Variants in CLOCK observed in about 807,000 individuals in gnomAD.
The protein encoded by CLOCK is circadian locomoter output cycles protein kaput.
In CLOCK, 43 loss-of-function variants were observed where a neutral mutation model predicts 118.4. The ratio of observed to expected loss-of-function variants is 0.36; its 90% CI spans 0.28 to 0.47. The LOEUF (loss-of-function observed/expected upper bound fraction) is 0.47, where lower values mean the gene tolerates loss of function less well. Among genes scored for constraint, CLOCK ranks in the 20% least tolerant of loss-of-function variants. The pLI is 1.00. For missense variants in CLOCK, 846 were observed against 999.9 expected, an observed-to-expected ratio of 0.85 and a Z score of 2.08; for synonymous variants, 326 against 339.2, an observed-to-expected ratio of 0.96 and a Z score of 0.43.
intron 8 of CLOCK, among the ~76,000 whole-genome samples, chr4:55,470,400 T>C (rs76396247): frequency 0.035 from 5,335 of 152,296 alleles, 151 homozygotes; most frequent in South Asian, 0.15. Context: ...ATATATACCA[T>C]ATAGCCTAAG....
intron 21 of CLOCK, among the ~76,000 whole-genome samples, chr4:55,441,927 A>G (rs1723405363): frequency 6.6e-6 from 1 of 152,216 alleles, no homozygotes; most frequent in African/African-American, 2.4e-5. Context: ...CATCACCTTA[A>G]CTAGCTATAG....
At chr4:55,448,190 T>C (rs1309764645) in intron 18 of CLOCK, among the ~76,000 whole-genome samples, 1 of 152,214 alleles carries the variant, frequency 6.6e-6, no homozygotes. Flanking sequence ...CCTCTAGATG[T>C]AATGGTTTTT....
intron 2 of CLOCK, 121 bp downstream of exon 2, chr4:55,509,791 G>A (rs540049783): frequency 6.6e-6 from 1 of 152,308 alleles, no homozygotes; most frequent in South Asian, 2.1e-4. Context: ...AATAAAAGCT[G>A]CCAAGGAAAG....
intron 7 of CLOCK, among the ~76,000 whole-genome samples, chr4:55,475,022 T>C (rs915382357): frequency 1.2e-4 from 19 of 152,284 alleles, no homozygotes; most frequent in Admixed American, 3.3e-4. Context: ...ACAGTTCCCA[T>C]AGATAGTGAT....
chr4:55,532,914 G>A (rs1577868835), intron 1 of CLOCK, among the ~76,000 whole-genome samples: 1 of 152,096 alleles, frequency 6.6e-6, no homozygotes, highest in African/African-American at 2.4e-5. Context: ...CTTAACCAAG[G>A]AGATAAAAGA....
chr4:55,531,401 T>C (rs767003009), intron 1 of CLOCK, among the ~76,000 whole-genome samples: 4 of 152,008 alleles, frequency 2.6e-5, no homozygotes, highest in African/African-American at 9.7e-5. Flanking sequence ...GAGAATTCTA[T>C]CAATCATTTA....
At chr4:55,441,299 T>C (rs2109672401) in intron 21 of CLOCK, among the ~76,000 whole-genome samples, 1 of 152,326 alleles carries the variant, frequency 6.6e-6, no homozygotes, top group South Asian at 2.1e-4. Context: ...TGAAAACACT[T>C]ACACACTGCT....
At chr4:55,463,329 G>A (rs936150225) in intron 9 of CLOCK, among the ~76,000 whole-genome samples, 3 of 151,782 alleles carry the variant, frequency 2.0e-5, no homozygotes, top group African/African-American at 7.3e-5. Flanking sequence ...GGTTAACAAT[G>A]GTGAAAATTA....
intron 18 of CLOCK, among the ~76,000 whole-genome samples, chr4:55,445,794 C>G (rs1412430450): frequency 6.6e-6 from 1 of 151,362 alleles, no homozygotes; most frequent in Non-Finnish European, 1.5e-5. Context: ...TAGGGTCTTG[C>G]TATGTTGCCC....
At position 55,447,036 on chromosome 4, in the gene CLOCK, G is replaced by GT. The variant is rs879389475; in HGVS notation, c.1539+1742dup. Among the ~76,000 whole-genome samples, 548 of 145,464 alleles carry GT rather than the reference G, an allele frequency of 3.8e-3. 3 individuals are homozygous for GT. The highest frequency in any genetic ancestry group is 6.7e-3 in the African/African-American group (266 of 39,986). On this transcript the variant is annotated intron_variant, in intron 18 of 22. Coordinates refer to ENST00000513440, the MANE Select transcript of CLOCK (RefSeq NM_004898.4). ...AAATTTAGTACCTCAACTCCCTCAA[G>GT]TTTTTTTTTTTGTTTTTTTTTAAAT...
At chr4:55,485,097 G>T (rs1164071240) in intron 3 of CLOCK, among the ~76,000 whole-genome samples, 2 of 151,950 alleles carry the variant, frequency 1.3e-5, no homozygotes, top group African/African-American at 4.8e-5. Context: ...CTGAGTAGCT[G>T]GGATTACAGG....
At chr4:55,436,108 G>A (rs1722857138) in intron 22 of CLOCK, among the ~76,000 whole-genome samples, 1 of 152,082 alleles carries the variant, frequency 6.6e-6, no homozygotes, top group African/African-American at 2.4e-5. Flanking sequence ...TGGTCAAGCT[G>A]TTTACTTCTC....
At chr4:55,475,436 T>C (rs943361548) in intron 7 of CLOCK, among the ~76,000 whole-genome samples, 5 of 152,218 alleles carry the variant, frequency 3.3e-5, no homozygotes, top group Admixed American at 2.0e-4. Flanking sequence ...ATTTAGTTGA[T>C]AGAGCAGCAG....
At chr4:55,506,324 G>A (rs1728792914) in intron 2 of CLOCK, among the ~76,000 whole-genome samples, 1 of 151,546 alleles carries the variant, frequency 6.6e-6, no homozygotes, top group Non-Finnish European at 1.5e-5. Flanking sequence ...CTGGGACTAG[G>A]GGTGCATACC....
At chr4:55,468,976 A>G (rs1223992880) in intron 8 of CLOCK, among the ~76,000 whole-genome samples, 1 of 152,146 alleles carries the variant, frequency 6.6e-6, no homozygotes, top group Non-Finnish European at 1.5e-5. Flanking sequence ...GCTTGTGGTG[A>G]TGCTTGTGTA....
Position 55,435,536 on chromosome 4 carries a change from G to C in CLOCK, c.2420C>G (p.Pro807Arg). ...STQLILSAAF[P>R]LQQSTFPQSH... ...CTGAGGGAAGGTGCTCTGTTGTAGA[G>C]GAAATGCAGCAGAGAGAATGAGTTG... The change falls in exon 23 of 23, where the codon CCT becomes CGT. Residue 807 changes from proline (P) to arginine (R), a missense_variant. Coordinates refer to ENST00000513440, the MANE Select transcript of CLOCK (RefSeq NM_004898.4). The C allele has an allele frequency of 6.2e-7, 1 of 1,614,038 alleles. No individual in the cohort carries two copies. Among genetic ancestry groups the C allele is most frequent in the Non-Finnish European group, 8.5e-7 (1 of 1,179,904 alleles).
intron 22 of CLOCK, 76 bp from the exon 23 acceptor site, chr4:55,435,670 CCT>C: frequency 1.4e-6 from 2 of 1,452,012 alleles, no homozygotes; most frequent in Non-Finnish European, 1.9e-6. Flanking sequence ...CACACTCTCC[CCT>C]GTCCATAGGG....
At position 55,434,259 on chromosome 4, in the gene CLOCK, G is replaced by A. The variant is rs1217431112; in HGVS notation, c.*1156C>T. ...AACCCTGAATCATTTCTGACTAAAA[G>A]AAGCATTGAAATTGTGAAGGATAAT... On this transcript the variant is annotated 3_prime_UTR_variant, in exon 23 of 23. Coordinates refer to ENST00000513440, the MANE Select transcript of CLOCK (RefSeq NM_004898.4). The A allele has an allele frequency of 6.6e-6, 1 of 152,588 alleles. No individual in the cohort carries two copies. Among genetic ancestry groups the A allele is most frequent in the Admixed American group, 6.5e-5 (1 of 15,276 alleles). 9.5% of individuals were successfully genotyped at this position (152,588 alleles called of 1,614,324 possible).
chr4:55,514,646 A>T (rs1729375785), intron 1 of CLOCK, among the ~76,000 whole-genome samples: 1 of 152,138 alleles, frequency 6.6e-6, no homozygotes, highest in Non-Finnish European at 1.5e-5. Context: ...ATGTTTTTTA[A>T]ACATCTATTG....
Sources: allele counts gnomAD v4.1 joint callset (sites outside exome capture counted in the v4.1 genomes callset), GRCh38; gene constraint gnomAD v4.1.1; transcripts MANE v1.5; gene names NCBI Gene and HGNC (gene_info 2026-07-23, HGNC 2026-07-21).